SLC8A1: variants seen among roughly 807,000 people sequenced by gnomAD.
The protein encoded by SLC8A1 is sodium/calcium exchanger 1.
SLC8A1 carries 18 observed loss-of-function variants against 68.3 expected under a neutral mutation model. That is an observed-to-expected ratio of 0.26 (90% CI 0.18 to 0.39). The LOEUF (loss-of-function observed/expected upper bound fraction) is 0.39, where lower values mean the gene tolerates loss of function less well. Among genes scored for constraint, SLC8A1 ranks in the 10% least tolerant of loss-of-function variants. The pLI is 1.00. For synonymous variants in SLC8A1, 475 were observed against 415.5 expected (o/e 1.14, Z -1.74); for missense variants, 985 against 1,156.7 (o/e 0.85, Z 2.15).
intron 1 of SLC8A1, among the ~76,000 whole-genome samples, chr2:40,467,431 C>T (rs758891526): frequency 6.6e-6 from 1 of 152,160 alleles, no homozygotes. Context: ...AACTGCTATT[C>T]AGTACAGATG....
chr2:40,441,224 C>T (rs1288832249), intron 1 of SLC8A1, among the ~76,000 whole-genome samples: 1 of 151,916 alleles, frequency 6.6e-6, no homozygotes, highest in Non-Finnish European at 1.5e-5. Flanking sequence ...TTACAAGGGA[C>T]GTGAGGGACC....
chr2:40,312,850 T>C (rs2073913288), intron 2 of SLC8A1, among the ~76,000 whole-genome samples: 1 of 152,104 alleles, frequency 6.6e-6, no homozygotes, highest in Non-Finnish European at 1.5e-5. Flanking sequence ...TAGAGATCGA[T>C]TGTTCCAGTT....
chr2:40,190,075 A>G (rs2051476156), intron 2 of SLC8A1, among the ~76,000 whole-genome samples: 1 of 152,230 alleles, frequency 6.6e-6, no homozygotes, highest in Non-Finnish European at 1.5e-5. Context: ...CTAGAAGGCC[A>G]TCCTGGCTAC....
At chr2:40,163,877 C>T (rs1219467638) in intron 5 of SLC8A1, among the ~76,000 whole-genome samples, 2 of 152,154 alleles carry the variant, frequency 1.3e-5, no homozygotes, top group African/African-American at 4.8e-5. Context: ...TTAATGGATC[C>T]AGCTAAAGGA....
chr2:40,473,252 A>T (rs1704096761), intron 1 of SLC8A1, among the ~76,000 whole-genome samples: 1 of 152,166 alleles, frequency 6.6e-6, no homozygotes, highest in Admixed American at 6.5e-5. Flanking sequence ...ATACCTAATT[A>T]TAAATAAATT....
In SLC8A1 at chr2:40,171,356, A is replaced by C. The variant is rs371235985; in HGVS notation, c.1930+3469T>G. 7.0e-4 allele frequency among the ~76,000 whole-genome samples: 107 copies of C among 152,356 alleles called. 5 individuals are homozygous for C. The South Asian group carries it at 0.017, about 24-fold the overall frequency. ...TAGGATTAGAGGAGTAATATTAAAT[A>C]GGTATACTGACTGATTTTTAATTAG... On this transcript the variant is annotated intron_variant, in intron 4 of 7. Transcript: ENST00000406785.
intron 2 of SLC8A1, among the ~76,000 whole-genome samples, chr2:40,190,104 T>A (rs1233561791): frequency 6.6e-6 from 1 of 152,256 alleles, no homozygotes; most frequent in East Asian, 1.9e-4. Context: ...GCATCTTATT[T>A]GTTCTGTAAC....
intron 2 of SLC8A1, among the ~76,000 whole-genome samples, chr2:40,336,066 G>A (rs1315166864): frequency 6.6e-6 from 1 of 152,186 alleles, no homozygotes; most frequent in Non-Finnish European, 1.5e-5. Context: ...ATGATGTCAT[G>A]CCATGACTTA....
At chr2:40,148,274 C>G (rs764592410) in intron 6 of SLC8A1, among the ~76,000 whole-genome samples, 2 of 152,078 alleles carry the variant, frequency 1.3e-5, no homozygotes, top group African/African-American at 4.8e-5. Flanking sequence ...ATCCTCTATT[C>G]GTGATTTATT....
chr2:40,358,838 G>A (rs912144498), intron 2 of SLC8A1, among the ~76,000 whole-genome samples: 42 of 152,118 alleles, frequency 2.8e-4, no homozygotes, highest in African/African-American at 9.7e-4. Flanking sequence ...ACACTGAAGC[G>A]TGCACTCTGA....
chr2:40,460,819 C>G (rs569286979), intron 1 of SLC8A1, among the ~76,000 whole-genome samples: 1 of 152,148 alleles, frequency 6.6e-6, no homozygotes, highest in East Asian at 1.9e-4. Context: ...GTGATCTGCC[C>G]ACCTCAGCCT....
chr2:40,294,264 C>T (rs2069899975), intron 2 of SLC8A1, among the ~76,000 whole-genome samples: 1 of 151,956 alleles, frequency 6.6e-6, no homozygotes, highest in South Asian at 2.1e-4. Flanking sequence ...TTTGAGGTTC[C>T]TTTTTTCCTA....
chr2:40,240,786 G>A (rs1374905554), intron 2 of SLC8A1, among the ~76,000 whole-genome samples: 1 of 152,220 alleles, frequency 6.6e-6, no homozygotes, highest in African/African-American at 2.4e-5. Context: ...ACTGAGGCAG[G>A]AGGATTGCAT....
intron 2 of SLC8A1, among the ~76,000 whole-genome samples, chr2:40,187,456 A>AGACAGC (rs11282909): frequency 0.13 from 19,218 of 152,078 alleles, 1,320 homozygotes; most frequent in African/African-American, 0.16. Flanking sequence ...GCAGAGCAAG[A>AGACAGC]GACAGCGACA....
Position 40,483,279 on chromosome 2 carries a change from AT to A in SLC8A1, c.-25+29069del, listed in dbSNP as rs997904703. Reference sequence around the variant, plus strand: ...TCACTGAAAATATATATGTTAAAAAATATATATATATATGATAAATAATTGA... The same window carrying A: ...TCACTGAAAATATATATGTTAAAAAAATATATATATATGATAAATAATTGA... On this transcript the variant is annotated intron_variant, in intron 1 of 7. Transcript: ENST00000402441. Among the ~76,000 whole-genome samples the A allele has an allele frequency of 7.4e-5, 11 of 149,478 alleles. No homozygotes were observed. In the East Asian group the frequency reaches 1.4e-3, roughly 18 times the overall value.
At chr2:40,234,381 C>G (rs2060084301) in intron 2 of SLC8A1, among the ~76,000 whole-genome samples, 1 of 151,942 alleles carries the variant, frequency 6.6e-6, no homozygotes, top group Non-Finnish European at 1.5e-5. Context: ...GGAGTTCACT[C>G]ATGATTTGGC....
intron 1 of SLC8A1, among the ~76,000 whole-genome samples, chr2:40,471,359 C>A (rs1253398980): frequency 1.3e-5 from 2 of 151,986 alleles, no homozygotes; most frequent in Non-Finnish European, 2.9e-5. Context: ...GAAAGTCCTA[C>A]CTGACAAGCC....
chr2:40,280,563 T>G (rs1185579152), intron 2 of SLC8A1, among the ~76,000 whole-genome samples: 1 of 152,222 alleles, frequency 6.6e-6, no homozygotes. Context: ...AATTCATTTA[T>G]TAATCATTTT....
At chr2:40,153,845 A>G (rs892828815) in intron 6 of SLC8A1, among the ~76,000 whole-genome samples, 3 of 152,172 alleles carry the variant, frequency 2.0e-5, no homozygotes, top group African/African-American at 7.2e-5. Flanking sequence ...TCTAGGACTG[A>G]TTCTATTCTT....
Sources: gnomAD v4.1 joint callset for allele counts (sites outside exome capture counted in the v4.1 genomes callset) on GRCh38, gnomAD v4.1.1 for gene constraint, MANE v1.5 for transcripts, NCBI Gene and HGNC (gene_info 2026-07-23, HGNC 2026-07-21) for gene names.